The following ARHGAP8 variants were observed in gnomAD, a reference collection of about 807,000 sequenced individuals.
The protein encoded by ARHGAP8 is Rho GTPase activating protein 8.
In ARHGAP8, 62 loss-of-function variants were observed where a neutral mutation model predicts 46.1. That is an observed-to-expected ratio of 1.34 (90% confidence interval 1.10 to 1.66). The LOEUF (loss-of-function observed/expected upper bound fraction) is 1.66. ARHGAP8 is among the 40% of genes most tolerant of loss of function. The probability of loss-of-function intolerance (pLI) is 0.00; values close to 1 mark genes in which losing one functional copy is unlikely to be tolerated. For missense variants in ARHGAP8, 923 were observed against 568.4 expected, an observed-to-expected ratio of 1.62 and a Z score of -6.34; for synonymous variants, 375 against 243.1, an observed-to-expected ratio of 1.54 and a Z score of -5.05.
intron 10 of ARHGAP8, among the ~76,000 whole-genome samples, chr22:44,858,397 C>T (rs138891878): frequency 4.1e-5 from 6 of 146,266 alleles, no homozygotes; most frequent in Non-Finnish European, 7.5e-5. Flanking sequence ...GATGGAGTTT[C>T]ACTCTTGTTG....
chr22:44,807,600 A>G (rs1929023485), intron 3 of ARHGAP8, among the ~76,000 whole-genome samples: 1 of 152,326 alleles, frequency 6.6e-6, no homozygotes, highest in South Asian at 2.1e-4. Flanking sequence ...CCTGGGTTCA[A>G]ATCCCAGCTC....
intron 1 of ARHGAP8, 111 bp downstream of exon 1, chr22:44,752,738 C>A (rs1023713233): frequency 6.6e-6 from 1 of 151,328 alleles, no homozygotes; most frequent in Non-Finnish European, 1.5e-5. Flanking sequence ...GGCCGCTGGC[C>A]GGGTAGGGAC....
chr22:44,839,899 G>A (rs9614948), intron 7 of ARHGAP8, among the ~76,000 whole-genome samples: 14,298 of 152,276 alleles, frequency 0.094, 848 homozygotes, highest in Middle Eastern at 0.16. Flanking sequence ...CCCATGGGGC[G>A]TTGGCAGAGG....
chr22:44,755,449 TTTAA>T (rs1924592051), intron 1 of ARHGAP8, among the ~76,000 whole-genome samples: 1 of 152,258 alleles, frequency 6.6e-6, no homozygotes, highest in Admixed American at 6.5e-5. Flanking sequence ...CCCTTGGTCC[TTTAA>T]TTAAAACTGA....
intron 11 of ARHGAP8, among the ~76,000 whole-genome samples, chr22:44,860,653 G>A (rs1411354887): frequency 6.6e-6 from 1 of 151,340 alleles, no homozygotes; most frequent in Non-Finnish European, 1.5e-5. Context: ...ACCAGGCTAA[G>A]CAAATGACCA....
At chr22:44,848,076 C>G (rs760810262) in intron 9 of ARHGAP8, 26 bp downstream of exon 9, 1 of 1,602,452 alleles carries the variant, frequency 6.2e-7, no homozygotes, top group African/African-American at 1.3e-5. Context: ...AGTCCTGAGC[C>G]CCGAGCTGCC....
chr22:44,814,853 G>C, intron 5 of ARHGAP8, 95 bp downstream of exon 5: 2 of 1,429,204 alleles, frequency 1.4e-6, no homozygotes, highest in Admixed American at 3.9e-5. Context: ...ATCATGGAGG[G>C]CCCGTCTCCA....
chr22:44,822,495 C>T, intron 6 of ARHGAP8, 26 bp downstream of exon 6: 4 of 1,512,976 alleles, frequency 2.6e-6, no homozygotes, highest in East Asian at 2.6e-5. Context: ...ACCCCAGAAG[C>T]CGCATCAATA....
intron 10 of ARHGAP8, among the ~76,000 whole-genome samples, chr22:44,859,122 T>G (rs959873943): frequency 1.3e-5 from 2 of 152,186 alleles, no homozygotes; most frequent in African/African-American, 4.8e-5. Flanking sequence ...CTTTAGCAGC[T>G]TCCTGGAAGG....
chr22:44,782,501 C>G (rs1222602814), intron 1 of ARHGAP8, among the ~76,000 whole-genome samples: 1 of 152,128 alleles, frequency 6.6e-6, no homozygotes, highest in Non-Finnish European at 1.5e-5. Flanking sequence ...CTCCCCTGCC[C>G]TCCCTCCCTC....
intron 2 of ARHGAP8, among the ~76,000 whole-genome samples, chr22:44,800,239 G>T (rs1296320737): frequency 6.6e-6 from 1 of 151,736 alleles, no homozygotes; most frequent in East Asian, 1.9e-4. Flanking sequence ...AGGTAGCTAG[G>T]ACTGTAGACA....
At chr22:44,861,512 C>G (rs1037557462) in intron 11 of ARHGAP8, among the ~76,000 whole-genome samples, 2 of 151,544 alleles carry the variant, frequency 1.3e-5, no homozygotes, top group Non-Finnish European at 3.0e-5. Flanking sequence ...CCTGAGCATC[C>G]TCAACAGATC....
intron 7 of ARHGAP8, among the ~76,000 whole-genome samples, chr22:44,841,493 A>G: frequency 6.6e-6 from 1 of 152,060 alleles, no homozygotes; most frequent in Non-Finnish European, 1.5e-5. Context: ...GGCCAAATCC[A>G]ACTTCCTTTT....
intron 1 of ARHGAP8, chr22:44,752,838 T>A (rs1924348741): frequency 6.6e-6 from 1 of 151,744 alleles, no homozygotes; most frequent in African/African-American, 2.4e-5. Context: ...CTAGACTCCC[T>A]CTCCCTTCAC....
chr22:44,817,345 A>T (rs1028055395), intron 5 of ARHGAP8, among the ~76,000 whole-genome samples: 4 of 152,114 alleles, frequency 2.6e-5, no homozygotes, highest in Admixed American at 2.6e-4. Context: ...TGTCACTAGA[A>T]TTTCCTGCCA....
chr22:44,755,693 C>G (rs1196277165), intron 1 of ARHGAP8, among the ~76,000 whole-genome samples: 13 of 152,214 alleles, frequency 8.5e-5, no homozygotes, highest in African/African-American at 2.2e-4. Flanking sequence ...CTGAGTGACT[C>G]TCTCTCCAAG....
intron 11 of ARHGAP8, 93 bp from the exon 12 acceptor site, chr22:44,862,180 CTA>C: frequency 6.9e-7 from 1 of 1,455,500 alleles, no homozygotes; most frequent in African/African-American, 1.4e-5. Flanking sequence ...GCTCCTCTCA[CTA>C]CACCTACGCC....
rs527601302 is a variant in ARHGAP8 at position 44,788,960 on chromosome 22, T to G, written c.79+2354T>G. Reference sequence around the variant, plus strand: ...TGTTGGGCAGAATGCTCTATGTATTTCAGTTAGGTTAAGTTGATTAATGAT... The same window carrying G: ...TGTTGGGCAGAATGCTCTATGTATTGCAGTTAGGTTAAGTTGATTAATGAT... On this transcript the variant is annotated intron_variant, in intron 2 of 11. Transcript: ENST00000356099. 6.6e-5 allele frequency among the ~76,000 whole-genome samples: 10 copies of G among 152,302 alleles called. No homozygotes were observed. In the South Asian group the frequency reaches 2.1e-3, roughly 32 times the overall value.
At chr22:44,772,061 G>C (rs1410805634) in intron 1 of ARHGAP8, among the ~76,000 whole-genome samples, 1 of 151,944 alleles carries the variant, frequency 6.6e-6, no homozygotes, top group African/African-American at 2.4e-5. Flanking sequence ...TCTCTACATG[G>C]TTTAAGAAGT....
Sources: gnomAD v4.1 joint callset for allele counts (sites outside exome capture counted in the v4.1 genomes callset) on GRCh38, gnomAD v4.1.1 for gene constraint, MANE v1.5 for transcripts, NCBI Gene and HGNC (gene_info 2026-07-23, HGNC 2026-07-21) for gene names.